ACBD3: variants seen among roughly 807,000 people sequenced by gnomAD.
ACBD3 encodes the protein Golgi resident protein GCP60.
ACBD3 carries 30 observed loss-of-function variants against 66.9 expected under a neutral mutation model. The observed-to-expected ratio is 0.45, with a 90% CI of 0.34 to 0.61. ACBD3 has a LOEUF of 0.61. Among genes scored for constraint, ACBD3 ranks in the 20% least tolerant of loss-of-function variants. The pLI, the probability that ACBD3 is intolerant of heterozygous loss-of-function variation, is 0.02. For missense variants in ACBD3, 544 were observed against 664.5 expected, an observed-to-expected ratio of 0.82 and a Z score of 1.99; for synonymous variants, 278 against 259.8, an observed-to-expected ratio of 1.07 and a Z score of -0.68.
intron 4 of ACBD3, 121 bp from the exon 5 acceptor site, chr1:226,159,479 G>T: frequency 1.2e-6 from 1 of 833,546 alleles, no homozygotes; most frequent in Non-Finnish European, 1.8e-6. Context: ...AGCTAGTAAT[G>T]TACACCAATT....
chr1:226,185,830 A>C lies in ACBD3; in HGVS notation c.286+560T>G, dbSNP rs956715664. On this transcript the variant is annotated intron_variant, in intron 1 of 7. Transcript: ENST00000366812. ...AGAGTTTGACAAGCCGGAGAGGATG[A>C]TGAGCTTAACACTTTACTTCCTCCT... Among the ~76,000 whole-genome samples, 16 of 152,126 alleles carry C rather than the reference A, an allele frequency of 1.1e-4. 1 individual carries two copies. The highest frequency in any genetic ancestry group is 6.6e-5 in the Admixed American group (1 of 15,266).
intron 4 of ACBD3, among the ~76,000 whole-genome samples, chr1:226,160,094 T>G (rs1410791558): frequency 9.8e-5 from 14 of 142,762 alleles, no homozygotes; most frequent in African/African-American, 1.0e-4. Context: ...ACATGCTTCT[T>G]CTTTTTTTTT....
rs1659419047 is a variant in ACBD3, at chr1:226,144,939, G to A, written c.*1671C>T. On this transcript the variant is annotated 3_prime_UTR_variant, in exon 8 of 8. Transcript: ENST00000366812. ...CAAAGGCTGGAAGAAATATATATTA[G>A]TGCCTGCTTTTTAAAAGTTTATTTT... The A allele has an allele frequency of 6.6e-6, 1 of 152,392 alleles. No individual in the cohort carries two copies. 9.4% of individuals were successfully genotyped at this position (152,392 alleles called of 1,614,324 possible).
intron 1 of ACBD3, among the ~76,000 whole-genome samples, chr1:226,169,032 T>C (rs143191785): frequency 6.6e-6 from 1 of 152,040 alleles, no homozygotes; most frequent in East Asian, 1.9e-4. Context: ...CCGGCTAGTT[T>C]TTATATTTTT....
intron 1 of ACBD3, among the ~76,000 whole-genome samples, chr1:226,173,721 T>C (rs1392188499): frequency 6.6e-6 from 1 of 151,546 alleles, no homozygotes; most frequent in African/African-American, 2.4e-5. Context: ...GTATTTTAAA[T>C]CAGGTGAGAA....
intron 1 of ACBD3, among the ~76,000 whole-genome samples, chr1:226,174,590 C>A (rs1655976451): frequency 6.6e-6 from 1 of 151,540 alleles, no homozygotes; most frequent in Non-Finnish European, 1.5e-5. Flanking sequence ...CATGGTGAAA[C>A]CCAGTCTCCA....
intron 1 of ACBD3, among the ~76,000 whole-genome samples, chr1:226,180,953 C>T (rs752733373): frequency 3.3e-5 from 5 of 149,922 alleles, no homozygotes; most frequent in Admixed American, 2.0e-4. Flanking sequence ...GAGCTGAGAT[C>T]GCGCCATTGC....
chr1:226,178,097 A>G (rs1656087079), intron 1 of ACBD3, among the ~76,000 whole-genome samples: 1 of 152,158 alleles, frequency 6.6e-6, no homozygotes, highest in Non-Finnish European at 1.5e-5. Flanking sequence ...GGAAACTAAC[A>G]TGATATACAA....
At chr1:226,170,855 C>T (rs1178840059) in intron 1 of ACBD3, among the ~76,000 whole-genome samples, 5 of 152,086 alleles carry the variant, frequency 3.3e-5, no homozygotes, top group Non-Finnish European at 7.4e-5. Context: ...TCACAGCTCA[C>T]TGCAGCCTTG....
intron 1 of ACBD3, among the ~76,000 whole-genome samples, chr1:226,174,565 G>GA (rs1243945723): frequency 6.7e-6 from 1 of 149,146 alleles, no homozygotes; most frequent in Non-Finnish European, 1.5e-5. Context: ...AGGAGTTCGA[G>GA]ACCAGCCTGA....
intron 7 of ACBD3, among the ~76,000 whole-genome samples, chr1:226,150,055 A>ATT (rs78400240): frequency 1.6e-4 from 22 of 133,550 alleles, no homozygotes; most frequent in Non-Finnish European, 2.3e-4. Context: ...ATTTTTTTTA[A>ATT]TTTTTTTTTT....
Position 226,186,522 on chromosome 1 carries a change from C to G in ACBD3, c.154G>C (p.Gly52Arg). The part of the protein sequence containing the change: ...PSPPGSGRGP[G>R]ASGEQPEPGE... Reference sequence around the variant, plus strand: ...GGCTCGGGCTGCTCCCCTGAGGCGCCCGGGCCGCGACCGGATCCAGGTGGC... The same window carrying G: ...GGCTCGGGCTGCTCCCCTGAGGCGCGCGGGCCGCGACCGGATCCAGGTGGC... Residue 52 changes from glycine (G) to arginine (R), a missense_variant, in exon 1 of 8, where the codon GGC becomes CGC. Coordinates refer to ENST00000366812, the MANE Select transcript of ACBD3 (RefSeq NM_022735.4). 1 of 1,399,606 alleles carries G rather than the reference C, an allele frequency of 7.1e-7. No homozygotes were observed. The highest frequency in any genetic ancestry group is 3.5e-5 in the Admixed American group (1 of 28,946). The allele number at this position is 1,399,606 out of a possible 1,614,324, so 86.7% of individuals were successfully genotyped here.
intron 7 of ACBD3, among the ~76,000 whole-genome samples, chr1:226,151,808 C>T (rs954523827): frequency 6.6e-6 from 1 of 152,038 alleles, no homozygotes; most frequent in Admixed American, 6.6e-5. Flanking sequence ...GAGTTCGAGA[C>T]CAGCCTGACC....
At chr1:226,159,042 G>A in intron 5 of ACBD3, 142 bp downstream of exon 5, 1 of 878,768 alleles carries the variant, frequency 1.1e-6, no homozygotes, top group Non-Finnish European at 1.8e-6. Flanking sequence ...TCTCAAGTCT[G>A]CCTAAAAGAT....
chr1:226,186,698 G>A lies in ACBD3; in HGVS notation c.-23C>T, dbSNP rs533746203. On this transcript the variant is annotated 5_prime_UTR_variant, in exon 1 of 8. Transcript: ENST00000366812. ...CATCTCCGGCTGCTGCACCTCCTCA[G>A]CGGGGACAGACGGCAGCCACGTATC... 4.1e-6 allele frequency: 6 copies of A among 1,467,442 alleles called. No individual in the cohort carries two copies. The highest frequency in any genetic ancestry group is 1.5e-5 in the African/African-American group (1 of 68,634). The allele number at this position is 1,467,442 out of a possible 1,614,324, so 90.9% of individuals were successfully genotyped here. A position where few individuals can be genotyped will look rare whatever the true frequency, so the allele number is the denominator to read the frequency against.
At chr1:226,152,239 TAGTC>T in intron 7 of ACBD3, 92 bp downstream of exon 7, 2 of 1,465,700 alleles carry the variant, frequency 1.4e-6, no homozygotes, top group Non-Finnish European at 1.9e-6. Flanking sequence ...CATGAAGTGT[TAGTC>T]AGGAAGCATA....
intron 1 of ACBD3, among the ~76,000 whole-genome samples, chr1:226,168,756 G>T (rs900823787): frequency 6.6e-5 from 10 of 152,144 alleles, no homozygotes; most frequent in African/African-American, 2.2e-4. Flanking sequence ...CATAATACTT[G>T]ATGACATTAA....
chr1:226,165,312 A>T (rs1391492342), intron 2 of ACBD3, among the ~76,000 whole-genome samples: 2 of 152,048 alleles, frequency 1.3e-5, no homozygotes, highest in African/African-American at 2.4e-5. Flanking sequence ...GTAGGATTAC[A>T]GGCATGTGCC....
intron 5 of ACBD3, among the ~76,000 whole-genome samples, chr1:226,157,666 A>C (rs1427795851): frequency 2.6e-5 from 4 of 152,116 alleles, no homozygotes; most frequent in Non-Finnish European, 5.9e-5. Flanking sequence ...CAGCCTCCCA[A>C]GTAACTGGGA....
Sources: gnomAD v4.1 joint callset for allele counts (sites outside exome capture counted in the v4.1 genomes callset) on GRCh38, gnomAD v4.1.1 for gene constraint, MANE v1.5 for transcripts, NCBI Gene and HGNC (gene_info 2026-07-23, HGNC 2026-07-21) for gene names.